Variants in CNTN4 observed in about 807,000 individuals in gnomAD.
The protein encoded by CNTN4 is contactin 4.
A neutral mutation model predicts 122.5 loss-of-function variants in CNTN4; 77 were observed. The observed-to-expected ratio is 0.63, with a 90% CI of 0.52 to 0.76. The LOEUF is 0.76. Among genes scored for constraint, CNTN4 ranks in the 30% least tolerant of loss-of-function variants. The probability of loss-of-function intolerance (pLI) is 0.00; values close to 1 mark genes in which losing one functional copy is unlikely to be tolerated. For missense variants in CNTN4, 1,256 were observed against 1,259.1 expected (o/e 1.00, Z 0.04); for synonymous variants, 512 against 447.0 (o/e 1.15, Z -1.83).
At chr3:2,622,710 T>C (rs1009105976) in intron 4 of CNTN4, among the ~76,000 whole-genome samples, 3 of 152,242 alleles carry the variant, frequency 2.0e-5, no homozygotes, top group Non-Finnish European at 4.4e-5. Context: ...TCATATACAT[T>C]ATCTTAGCCT....
chr3:2,604,302 T>C (rs2081169843), intron 4 of CNTN4, among the ~76,000 whole-genome samples: 1 of 152,178 alleles, frequency 6.6e-6, no homozygotes. Flanking sequence ...GTGACCCTCC[T>C]CTGAACTTTT....
chr3:2,181,335 G>C (rs2037006246), intron 2 of CNTN4, among the ~76,000 whole-genome samples: 1 of 152,106 alleles, frequency 6.6e-6, no homozygotes, highest in African/African-American at 2.4e-5. Flanking sequence ...TGGGTAGTGA[G>C]AGGTGATGAG....
intron 7 of CNTN4, among the ~76,000 whole-genome samples, chr3:2,851,199 A>G (rs1317303248): frequency 6.6e-6 from 1 of 152,220 alleles, no homozygotes; most frequent in South Asian, 2.1e-4. Flanking sequence ...GTAAATTTTT[A>G]TGTCATAATC....
chr3:2,913,711 G>C (rs1458451238), intron 12 of CNTN4, among the ~76,000 whole-genome samples: 2 of 152,104 alleles, frequency 1.3e-5, no homozygotes, highest in Non-Finnish European at 2.9e-5. Flanking sequence ...ACAATAGTAG[G>C]ATACTTTGAT....
Position 2,757,770 on chromosome 3 carries a change from A to C in CNTN4, c.358+12073A>C, listed in dbSNP as rs945172476. 5.9e-5 allele frequency among the ~76,000 whole-genome samples: 9 copies of C among 152,192 alleles called. 1 individual carries two copies. The highest frequency in any genetic ancestry group is 1.3e-4 in the Non-Finnish European group (9 of 68,018). On this transcript the variant is annotated intron_variant, in intron 6 of 24. Coordinates refer to ENST00000418658, the MANE Select transcript of CNTN4 (RefSeq NM_175607.3). ...GTTAGGGTTCAGAGGTTAAATCTCAAATTCAAGGGCATCATGAAAAGATGT... is the reference window on the plus strand; with the variant it reads ...GTTAGGGTTCAGAGGTTAAATCTCACATTCAAGGGCATCATGAAAAGATGT...
intron 3 of CNTN4, among the ~76,000 whole-genome samples, chr3:2,366,013 G>C (rs1293980695): frequency 6.6e-6 from 1 of 152,050 alleles, no homozygotes; most frequent in African/African-American, 2.4e-5. Context: ...TTTATCCTTT[G>C]GGGGTGAGGA....
intron 2 of CNTN4, among the ~76,000 whole-genome samples, chr3:2,336,297 C>G (rs1363579796): frequency 6.6e-6 from 1 of 151,908 alleles, no homozygotes; most frequent in Non-Finnish European, 1.5e-5. Flanking sequence ...GAATCTTGGT[C>G]TGTTTCTTTT....
At chr3:2,634,180 A>G (rs970194847) in intron 4 of CNTN4, among the ~76,000 whole-genome samples, 4 of 152,210 alleles carry the variant, frequency 2.6e-5, no homozygotes, top group Non-Finnish European at 2.9e-5. Context: ...TAAATGAAAA[A>G]TGTATTAGCT....
At chr3:2,298,704 A>G (rs1026369883) in intron 2 of CNTN4, among the ~76,000 whole-genome samples, 3 of 152,218 alleles carry the variant, frequency 2.0e-5, no homozygotes, top group Admixed American at 6.5e-5. Flanking sequence ...TATATATTCT[A>G]TAGTTTACTT....
chr3:2,591,890 T>C (rs1031525940), intron 4 of CNTN4, among the ~76,000 whole-genome samples: 2 of 152,256 alleles, frequency 1.3e-5, no homozygotes, highest in African/African-American at 2.4e-5. Context: ...TTTATTTTTA[T>C]TTTTTGAGGC....
At chr3:2,600,097 A>ATT (rs34926549) in intron 4 of CNTN4, among the ~76,000 whole-genome samples, 1 of 122,512 alleles carries the variant, frequency 8.2e-6, no homozygotes, top group Non-Finnish European at 1.7e-5. Context: ...AACATTCAGT[A>ATT]TTTTTTTAAA....
At chr3:2,468,616 A>G (rs1313535698) in intron 3 of CNTN4, among the ~76,000 whole-genome samples, 4 of 152,282 alleles carry the variant, frequency 2.6e-5, no homozygotes, top group African/African-American at 7.2e-5. Context: ...CTATATTACT[A>G]TTACAGTTTT....
chr3:2,910,983 T>C (rs1302045491), intron 12 of CNTN4, among the ~76,000 whole-genome samples: 1 of 152,196 alleles, frequency 6.6e-6, no homozygotes, highest in Non-Finnish European at 1.5e-5. Flanking sequence ...ACTCGCTTGC[T>C]GGAGCACCTC....
chr3:2,450,400 T>TAAAAC (rs1179769528), intron 3 of CNTN4, among the ~76,000 whole-genome samples: 3 of 133,476 alleles, frequency 2.2e-5, no homozygotes, highest in Non-Finnish European at 5.2e-5. Context: ...ATAAATAAAA[T>TAAAAC]AAAAAAGATG....
At chr3:2,223,867 C>T (rs954500549) in intron 2 of CNTN4, among the ~76,000 whole-genome samples, 1 of 152,000 alleles carries the variant, frequency 6.6e-6, no homozygotes, top group Non-Finnish European at 1.5e-5. Flanking sequence ...TCCCACAAAA[C>T]GGGGTCCCAC....
At chr3:2,316,759 C>T (rs145132476) in intron 2 of CNTN4, among the ~76,000 whole-genome samples, 100 of 152,150 alleles carry the variant, frequency 6.6e-4, no homozygotes, top group African/African-American at 2.2e-3. Flanking sequence ...TATGTTAAAA[C>T]GAAGAGTTTA....
At chr3:2,351,959 A>T (rs1214451129) in intron 3 of CNTN4, among the ~76,000 whole-genome samples, 2 of 152,226 alleles carry the variant, frequency 1.3e-5, no homozygotes, top group Non-Finnish European at 2.9e-5. Context: ...GTAAATTTCA[A>T]ATGTCTCACC....
At chr3:2,752,782 A>G (rs569277662) in intron 6 of CNTN4, among the ~76,000 whole-genome samples, 1 of 152,148 alleles carries the variant, frequency 6.6e-6, no homozygotes, top group African/African-American at 2.4e-5. Context: ...CCCCACCTCT[A>G]GTTACCACTC....
At chr3:2,415,225 G>A (rs371229839) in intron 3 of CNTN4, among the ~76,000 whole-genome samples, 6 of 152,114 alleles carry the variant, frequency 3.9e-5, no homozygotes, top group African/African-American at 1.2e-4. Flanking sequence ...GTGGCTCCTC[G>A]CTTTAGCCTT....
Sources: allele counts gnomAD v4.1 joint callset (sites outside exome capture counted in the v4.1 genomes callset), GRCh38; gene constraint gnomAD v4.1.1; transcripts MANE v1.5; gene names NCBI Gene and HGNC (gene_info 2026-07-23, HGNC 2026-07-21).